PTPN14: variants seen among roughly 807,000 people sequenced by gnomAD.
PTPN14 encodes tyrosine-protein phosphatase non-receptor type 14.
A neutral mutation model predicts 126.8 loss-of-function variants in PTPN14; 53 were observed. That is an observed-to-expected ratio of 0.42 (90% CI 0.34 to 0.53). The LOEUF (loss-of-function observed/expected upper bound fraction) is 0.53. PTPN14 is among the 20% of genes least tolerant of loss of function. PTPN14 has a pLI of 0.08. For missense variants in PTPN14, 1,257 were observed against 1,552.9 expected, an observed-to-expected ratio of 0.81 and a Z score of 3.20; for synonymous variants, 630 against 599.3, an observed-to-expected ratio of 1.05 and a Z score of -0.75.
At chr1:214,378,242 C>T (rs1658390638) in intron 13 of PTPN14, 140 bp from the exon 14 acceptor site, 2 of 1,165,162 alleles carry the variant, frequency 1.7e-6, no homozygotes, top group African/African-American at 3.1e-5. Flanking sequence ...CAAACACAGC[C>T]TTCCCACTAT....
intron 3 of PTPN14, among the ~76,000 whole-genome samples, chr1:214,424,520 C>T (rs575868006): frequency 2.0e-5 from 3 of 151,304 alleles, no homozygotes; most frequent in Non-Finnish European, 3.0e-5. Flanking sequence ...AGTGGGACAC[C>T]CCACTTTCTT....
Position 214,369,535 on chromosome 1 carries a change from G to T in PTPN14, c.3193C>A (p.Gln1065Lys). The part of the protein sequence containing the change: ...GLKVKHLLSG[Q>K]ERTVWHLQYT... ...TGTAAATGCCACACCGTCCTTTCTTGCCCAGACAAAAGGTGCTTGACCTTC... is the reference window on the plus strand; with the variant it reads ...TGTAAATGCCACACCGTCCTTTCTTTCCCAGACAAAAGGTGCTTGACCTTC... The change falls in exon 17 of 19, where the codon CAA becomes AAA. Residue 1065 changes from glutamine to lysine, a missense_variant. Around this residue, in one of 3 missense-constraint regions of PTPN14, gnomAD observed 171 missense variants for 229.8 expected, o/e 0.74. Transcript: ENST00000366956. 1.9e-6 allele frequency: 3 copies of T among 1,614,130 alleles called. No individual in the cohort carries two copies. The highest frequency in any genetic ancestry group is 2.5e-6 in the Non-Finnish European group (3 of 1,180,036).
At chr1:214,508,682 A>G (rs143200448) in intron 1 of PTPN14, among the ~76,000 whole-genome samples, 118 of 152,318 alleles carry the variant, frequency 7.7e-4, no homozygotes, top group African/African-American at 2.8e-3. Flanking sequence ...CCAGGTTTGC[A>G]ATTTACTCTG....
At position 214,551,432 on chromosome 1, in the gene PTPN14, G is replaced by A. The variant is rs76172975; in HGVS notation, c.-404C>T. ...GGGCTGTCCCGCCCGAGGAGGCCGGGGAGGATGGCTCAGCTGGGAGGGGAA... is the reference window on the plus strand; with the variant it reads ...GGGCTGTCCCGCCCGAGGAGGCCGGAGAGGATGGCTCAGCTGGGAGGGGAA... On this transcript the variant is annotated 5_prime_UTR_variant, in exon 1 of 19. Transcript: ENST00000366956. 3,485 of 152,680 alleles carry A rather than the reference G, an allele frequency of 0.023. 118 individuals carry two copies. The highest frequency in any genetic ancestry group is 0.08 in the African/African-American group (3,320 of 41,566). The allele number at this position is 152,680 out of a possible 1,614,324, so 9.5% of individuals were successfully genotyped here.
chr1:214,547,978 G>GA (rs985715747), intron 1 of PTPN14, among the ~76,000 whole-genome samples: 1 of 151,690 alleles, frequency 6.6e-6, no homozygotes, highest in South Asian at 2.1e-4. Flanking sequence ...TCAGGCTGCT[G>GA]AAAAAAATCA....
intron 5 of PTPN14, among the ~76,000 whole-genome samples, chr1:214,404,340 G>A (rs190732807): frequency 7.0e-4 from 106 of 152,246 alleles, no homozygotes; most frequent in East Asian, 2.1e-3. Flanking sequence ...ATTAATTTGC[G>A]GTTTCCTGTT....
intron 1 of PTPN14, among the ~76,000 whole-genome samples, chr1:214,503,561 T>C (rs544285467): frequency 6.6e-6 from 1 of 152,378 alleles, no homozygotes; most frequent in African/African-American, 2.4e-5. Flanking sequence ...ACAGAATTAT[T>C]ACATTTCAGT....
chr1:214,467,246 T>C (rs1038798460), intron 1 of PTPN14, among the ~76,000 whole-genome samples: 1 of 146,374 alleles, frequency 6.8e-6, no homozygotes, highest in Non-Finnish European at 1.5e-5. Context: ...TGTTTACTAC[T>C]CATGAATTCC....
intron 3 of PTPN14, among the ~76,000 whole-genome samples, chr1:214,450,549 C>T (rs936825971): frequency 6.6e-6 from 1 of 151,676 alleles, no homozygotes; most frequent in Non-Finnish European, 1.5e-5. Context: ...TTAAAAATTT[C>T]AAGAGCATCC....
chr1:214,359,430 G>T (rs1657902944), intron 18 of PTPN14, among the ~76,000 whole-genome samples: 1 of 150,856 alleles, frequency 6.6e-6, no homozygotes, highest in African/African-American at 2.4e-5. Flanking sequence ...CAGCATGGTG[G>T]TCAGGCTGGT....
chr1:214,515,308 A>AT lies in PTPN14; in HGVS notation c.-155+35874dup, dbSNP rs201792150. Among the ~76,000 whole-genome samples, 91 of 149,342 alleles carry AT rather than the reference A, an allele frequency of 6.1e-4. 1 individual carries two copies. In the South Asian group the frequency reaches 9.7e-3, roughly 16 times the overall value. On this transcript the variant is annotated intron_variant, in intron 1 of 18. Transcript: ENST00000366956. ...AGTATCCACTATCCACTAGGCACTT[A>AT]TTTTTTTTTTAACGATAATATGTCT...
intron 13 of PTPN14, among the ~76,000 whole-genome samples, chr1:214,379,020 A>G (rs1190625678): frequency 1.3e-5 from 2 of 152,170 alleles, no homozygotes; most frequent in African/African-American, 2.4e-5. Flanking sequence ...GTGCTTCCTC[A>G]GGTCCTTGAA....
chr1:214,402,734 A>G (rs1252306815), intron 6 of PTPN14, 149 bp downstream of exon 6: 39 of 655,276 alleles, frequency 6.0e-5, no homozygotes, highest in Non-Finnish European at 6.2e-5. Context: ...CTTTTGCAGA[A>G]CGGAAGTACA....
chr1:214,433,512 T>G (rs1244404785), intron 3 of PTPN14, among the ~76,000 whole-genome samples: 1 of 152,064 alleles, frequency 6.6e-6, no homozygotes, highest in Non-Finnish European at 1.5e-5. Context: ...ACTGTCTACC[T>G]TTCTGATTCC....
At chr1:214,535,256 A>G (rs1258027360) in intron 1 of PTPN14, among the ~76,000 whole-genome samples, 2 of 152,098 alleles carry the variant, frequency 1.3e-5, no homozygotes, top group African/African-American at 4.8e-5. Context: ...TTATAAATAT[A>G]TTTTTCAACA....
chr1:214,517,136 G>A (rs914949000), intron 1 of PTPN14, among the ~76,000 whole-genome samples: 6 of 152,092 alleles, frequency 3.9e-5, no homozygotes, highest in Admixed American at 2.0e-4. Flanking sequence ...TTACAATGTC[G>A]TGTCCACATC....
chr1:214,401,664 G>A (rs766196490), intron 7 of PTPN14, 21 bp downstream of exon 7: 3 of 1,519,810 alleles, frequency 2.0e-6, no homozygotes, highest in African/African-American at 2.8e-5. Context: ...GTTAAAGCCA[G>A]CACAGGGCAC....
At chr1:214,535,270 C>T (rs572595643) in intron 1 of PTPN14, among the ~76,000 whole-genome samples, 1 of 152,242 alleles carries the variant, frequency 6.6e-6, no homozygotes, top group South Asian at 2.1e-4. Context: ...TTCAACAATT[C>T]TGTACATACC....
At chr1:214,498,114 G>A (rs2102426989) in intron 1 of PTPN14, among the ~76,000 whole-genome samples, 1 of 152,172 alleles carries the variant, frequency 6.6e-6, no homozygotes, top group South Asian at 2.1e-4. Flanking sequence ...TTATAACAAA[G>A]TACTGGGGGA....
Sources: allele counts gnomAD v4.1 joint callset (sites outside exome capture counted in the v4.1 genomes callset), GRCh38; gene constraint gnomAD v4.1.1; regional missense constraint gnomAD v4.1.1; transcripts MANE v1.5; gene names NCBI Gene and HGNC (gene_info 2026-07-23, HGNC 2026-07-21).